SVOPL: variants seen among roughly 807,000 people sequenced by gnomAD.
SVOPL encodes SVOP like.
In SVOPL, 60 loss-of-function variants were observed where a neutral mutation model predicts 61.0. That is an observed-to-expected ratio of 0.98 (90% CI 0.80 to 1.22). The LOEUF is 1.22. Among genes scored for constraint, SVOPL ranks in the 50% most tolerant of loss-of-function variants. SVOPL has a pLI of 0.00. For synonymous variants in SVOPL, 279 were observed against 250.0 expected, an observed-to-expected ratio of 1.12 and a Z score of -1.09; for missense variants, 662 against 643.9, an observed-to-expected ratio of 1.03 and a Z score of -0.30.
chr7:138,598,744 C>T (rs921934202), intron 14 of SVOPL, among the ~76,000 whole-genome samples: 1 of 152,012 alleles, frequency 6.6e-6, no homozygotes, highest in Non-Finnish European at 1.5e-5. Flanking sequence ...AATGAAAACA[C>T]AACATGTTAA....
intron 9 of SVOPL, 139 bp from the exon 10 acceptor site, chr7:138,630,261 C>A: frequency 1.5e-6 from 1 of 663,194 alleles, no homozygotes. Flanking sequence ...CCTATGAGTA[C>A]AGCTGACACA....
intron 9 of SVOPL, among the ~76,000 whole-genome samples, chr7:138,635,256 G>A (rs1206986028): frequency 1.5e-5 from 2 of 132,636 alleles, no homozygotes; most frequent in African/African-American, 5.5e-5. Flanking sequence ...TGGGCGACAA[G>A]AGCAAAACTG....
At chr7:138,600,026 A>AC (rs1798449674) in intron 14 of SVOPL, among the ~76,000 whole-genome samples, 1 of 152,184 alleles carries the variant, frequency 6.6e-6, no homozygotes, top group Admixed American at 6.5e-5. Flanking sequence ...GAAAACAAAC[A>AC]CCTTAAGTGA....
rs1799990920 is a variant in SVOPL, at chr7:138,628,323, T to C, written c.904A>G (p.Ser302Gly). 1.9e-6 allele frequency: 3 copies of C among 1,613,992 alleles called. No individual in the cohort carries two copies. Among genetic ancestry groups the C allele is most frequent in the Admixed American group, 1.7e-5 (1 of 59,986 alleles). ...SFAYYGVILASAELLERDLVC... is the reference protein window; with the variant it reads ...SFAYYGVILAGAELLERDLVC... ...AAGTCCCGCTCCAGCAGCTCAGCAC[T>C]GGCCAGGATAACCCCATAGTAGGCA... Residue 302 changes from serine to glycine, a missense_variant, in exon 11 of 16, where the codon AGT (serine) becomes GGT (glycine). Ser to Gly is a moderately conservative substitution (Grantham distance 56). Transcript: ENST00000674285.
chr7:138,627,470 C>CA lies in SVOPL; in HGVS notation c.1070-10dup, dbSNP rs1468081013. Reference sequence around the variant, plus strand: ...TATATTTAAAGGATTCACTAGAAAGCAAACAGTAAAGATAATTTCTGGAAC... The same window carrying CA: ...TATATTTAAAGGATTCACTAGAAAGCAAAACAGTAAAGATAATTTCTGGAAC... On this transcript the variant is annotated splice_polypyrimidine_tract_variant and intron_variant, in intron 11 of 15. Coordinates refer to ENST00000674285, the MANE Select transcript of SVOPL (RefSeq NM_001139456.2). 5 of 1,600,974 alleles carry CA rather than the reference C, an allele frequency of 3.1e-6. No homozygotes were observed. Among genetic ancestry groups the CA allele is most frequent in the Non-Finnish European group, 4.3e-6 (5 of 1,168,444 alleles).
chr7:138,650,460 CTA>C (rs1190016461), intron 7 of SVOPL, among the ~76,000 whole-genome samples: 2 of 151,752 alleles, frequency 1.3e-5, no homozygotes, highest in Non-Finnish European at 2.9e-5. Flanking sequence ...ATTCAAGTAA[CTA>C]TCGGGTCATT....
chr7:138,622,122 GTATC>G (rs1255678984), intron 13 of SVOPL, among the ~76,000 whole-genome samples: 50 of 26,412 alleles, frequency 1.9e-3, no homozygotes, highest in African/African-American at 4.2e-3. Context: ...ATCTATCTAT[GTATC>G]TATCTATCTA....
At chr7:138,691,515 G>C (rs926233889) in intron 1 of SVOPL, among the ~76,000 whole-genome samples, 1 of 152,136 alleles carries the variant, frequency 6.6e-6, no homozygotes, top group Admixed American at 6.5e-5. Flanking sequence ...ACTTACTACT[G>C]AGCAGAACAA....
Position 138,670,960 on chromosome 7 carries a change from G to A in SVOPL, c.273+1059C>T, listed in dbSNP as rs117930639. On this transcript the variant is annotated intron_variant, in intron 4 of 15. Transcript: ENST00000674285. Reference sequence around the variant, plus strand: ...TATTTTGCAAAGCTCTATGATAGAAGGTGAACTTTCATACCCATTTAATCA... The same window carrying A: ...TATTTTGCAAAGCTCTATGATAGAAAGTGAACTTTCATACCCATTTAATCA... Among the ~76,000 whole-genome samples the A allele has an allele frequency of 9.7e-3, 1,475 of 152,212 alleles. 5 individuals carry two copies. The highest frequency in any genetic ancestry group is 0.018 in the South Asian group (89 of 4,826).
intron 14 of SVOPL, among the ~76,000 whole-genome samples, chr7:138,605,085 C>T (rs1229375050): frequency 6.6e-6 from 1 of 150,582 alleles, no homozygotes; most frequent in Non-Finnish European, 1.5e-5. Context: ...AGAAAATAAT[C>T]GCTAATGTAG....
chr7:138,656,903 G>A (rs1313398407), intron 6 of SVOPL, among the ~76,000 whole-genome samples: 3 of 152,120 alleles, frequency 2.0e-5, no homozygotes, highest in Non-Finnish European at 4.4e-5. Flanking sequence ...TTAGCTGGGT[G>A]TGGTGGCGCA....
At chr7:138,641,586 G>A (rs921770407) in intron 9 of SVOPL, among the ~76,000 whole-genome samples, 35 of 147,346 alleles carry the variant, frequency 2.4e-4, no homozygotes, top group African/African-American at 8.7e-4. Flanking sequence ...CTGGAGAATC[G>A]CTTGAACCCA....
chr7:138,641,226 T>A (rs1176440698), intron 9 of SVOPL, among the ~76,000 whole-genome samples: 5 of 47,280 alleles, frequency 1.1e-4, no homozygotes, highest in Admixed American at 5.1e-4. Context: ...AAGCTGAAAT[T>A]ATTAAAAAAA....
At chr7:138,653,138 A>C (rs1215277420) in intron 7 of SVOPL, among the ~76,000 whole-genome samples, 2 of 152,224 alleles carry the variant, frequency 1.3e-5, no homozygotes, top group East Asian at 3.8e-4. Flanking sequence ...CTGCTGAAGA[A>C]GAGTCTGAAG....
rs1243681027 is a variant in SVOPL, at chr7:138,662,842, G to A, written c.345+232C>T. On this transcript the variant is annotated intron_variant, in intron 5 of 15. Coordinates refer to ENST00000674285, the MANE Select transcript of SVOPL (RefSeq NM_001139456.2). The stretch of plus-strand genomic sequence containing the variant: ...GATTTCTTAGAACTCTATAATACCC[G>A]CATCTCCTTTTACTCCACACCTGGA... 9 of 1,372,850 alleles carry A rather than the reference G, an allele frequency of 6.6e-6. No homozygotes were observed. The Admixed American group carries it at 1.2e-4, about 19-fold the overall frequency. The allele number at this position is 1,372,850 out of a possible 1,614,324, so 85.0% of individuals were successfully genotyped here. A position where few individuals can be genotyped will look rare whatever the true frequency, so the allele number is the denominator to read the frequency against.
In SVOPL at chr7:138,652,582, C is replaced by G. The variant is rs539671254; in HGVS notation, c.535-3445G>C. 1.3e-5 allele frequency among the ~76,000 whole-genome samples: 2 copies of G among 151,736 alleles called. 1 individual carries two copies. Among genetic ancestry groups the G allele is most frequent in the South Asian group, 4.2e-4 (2 of 4,798 alleles). On this transcript the variant is annotated intron_variant, in intron 7 of 15. Transcript: ENST00000674285. ...AAGCCAAAAGCTAGGCCTGTCGTAC[C>G]AAACAGGCAAGTTGTGAATGCAAAG...
chr7:138,628,096 A>G, intron 11 of SVOPL, 62 bp downstream of exon 11: 1 of 1,580,234 alleles, frequency 6.3e-7, no homozygotes, highest in Admixed American at 1.7e-5. Flanking sequence ...TCTCTCAGCT[A>G]AGACTCAAGT....
At chr7:138,650,584 G>A (rs1202324599) in intron 7 of SVOPL, among the ~76,000 whole-genome samples, 4 of 148,868 alleles carry the variant, frequency 2.7e-5, no homozygotes, top group African/African-American at 4.9e-5. Context: ...CTGAGGTAGG[G>A]GAATCACTTG....
intron 1 of SVOPL, 48 bp from the exon 2 acceptor site, chr7:138,679,127 G>A: frequency 1.5e-6 from 2 of 1,335,614 alleles, no homozygotes; most frequent in South Asian, 1.3e-5. Flanking sequence ...AATGGTTATT[G>A]GATAGTTAGT....
Sources: gnomAD v4.1 joint callset for allele counts (sites outside exome capture counted in the v4.1 genomes callset) on GRCh38, gnomAD v4.1.1 for gene constraint, MANE v1.5 for transcripts, NCBI Gene and HGNC (gene_info 2026-07-23, HGNC 2026-07-21) for gene names.